PTX3: variants seen among roughly 807,000 people sequenced by gnomAD.
PTX3 encodes pentraxin-related protein PTX3.
A neutral mutation model predicts 23.5 loss-of-function variants in PTX3; 24 were observed. The observed-to-expected ratio is 1.02, with a 90% CI of 0.74 to 1.43. The LOEUF is 1.43. PTX3 is among the 40% of genes most tolerant of loss of function. PTX3 has a pLI of 0.00. For synonymous variants in PTX3, 218 were observed against 205.4 expected (o/e 1.06, Z -0.53); for missense variants, 510 against 497.5 (o/e 1.02, Z -0.24).
intron 2 of PTX3, among the ~76,000 whole-genome samples, chr3:157,441,018 T>G (rs1308417107): frequency 6.6e-6 from 1 of 152,248 alleles, no homozygotes; most frequent in Non-Finnish European, 1.5e-5. Flanking sequence ...GCTACATACT[T>G]GCTGCTTACA....
rs73158509 is a variant in PTX3, at chr3:157,443,409, A to T, written c.*430A>T. ...TGGTATGTACCTTATTACAAAAAAA[A>T]GATGAAAACATATTTATACTACAAG... On this transcript the variant is annotated 3_prime_UTR_variant, in exon 3 of 3. Transcript: ENST00000295927. 1.4e-3 allele frequency: 226 copies of T among 157,514 alleles called. 1 individual carries two copies. The highest frequency in any genetic ancestry group is 5.1e-3 in the African/African-American group (213 of 41,582). The allele number at this position is 157,514 out of a possible 1,614,324, so 9.8% of individuals were successfully genotyped here.
rs1211168676 is a variant in PTX3, at chr3:157,438,033, GCGCGCACA to G, written c.532+121_532+128del. 5,144 of 793,716 alleles carry G rather than the reference GCGCGCACA, an allele frequency of 6.5e-3. 220 individuals carry two copies. In the African/African-American group the frequency reaches 0.094, roughly 15 times the overall value. The allele number at this position is 793,716 out of a possible 1,614,324, so 49.2% of individuals were successfully genotyped here. ...GCTTTCATGGGAAGCGCGCGCGCGC[GCGCGCACA>G]CACACACACACACACACACACACAC... On this transcript the variant is annotated intron_variant, in intron 2 of 2. Coordinates refer to ENST00000295927, the MANE Select transcript of PTX3 (RefSeq NM_002852.4).
At chr3:157,440,808 T>C (rs1217922379) in intron 2 of PTX3, among the ~76,000 whole-genome samples, 4 of 152,092 alleles carry the variant, frequency 2.6e-5, no homozygotes, top group Admixed American at 6.6e-5. Flanking sequence ...TGGACAATGG[T>C]GGAAACTTAC....
Position 157,438,020 on chromosome 3 carries a change from AGCGC to A in PTX3, c.532+121_532+124del, listed in dbSNP as rs113324549. The A allele has an allele frequency of 5.2e-4, 438 of 836,224 alleles. 8 individuals are homozygous for A. The highest frequency in any genetic ancestry group is 4.2e-3 in the African/African-American group (205 of 48,796). 51.8% of individuals were successfully genotyped at this position (836,224 alleles called of 1,614,324 possible). The stretch of plus-strand genomic sequence containing the variant: ...CCTTCTAGGGGAAGCTTTCATGGGA[AGCGC>A]GCGCGCGCGCGCGCACACACACACA... On this transcript the variant is annotated intron_variant, in intron 2 of 2. Coordinates refer to ENST00000295927, the MANE Select transcript of PTX3 (RefSeq NM_002852.4).
At chr3:157,439,852 T>G (rs1733983827) in intron 2 of PTX3, among the ~76,000 whole-genome samples, 1 of 152,112 alleles carries the variant, frequency 6.6e-6, no homozygotes, top group Non-Finnish European at 1.5e-5. Context: ...CCGGGTTCAC[T>G]CCATTCTCCT....
chr3:157,437,751 G>T lies in PTX3; in HGVS notation c.369G>T (p.Ala123=), dbSNP rs1231300252. 4 of 1,491,034 alleles carry T rather than the reference G, an allele frequency of 2.7e-6. No individual in the cohort carries two copies. In the South Asian group the frequency reaches 3.8e-5, roughly 14 times the overall value. 92.4% of individuals were successfully genotyped at this position (1,491,034 alleles called of 1,614,324 possible). Residue 123 remains alanine, a synonymous_variant, in exon 2 of 3, where the codon GCG becomes GCT. Transcript: ENST00000295927. ...LTSALDELLQ[A]TRDAGRRLAR... is the part of the protein sequence containing the mutation. ...GTGCTCTGGACGAGCTGCTGCAGGC[G>T]ACCCGCGACGCGGGCCGCAGGCTGG... is the stretch of plus-strand genomic sequence containing the variant.
rs919038712 is a variant in PTX3, at chr3:157,442,639, A to G, written c.806A>G (p.His269Arg). 2 of 1,614,208 alleles carry G rather than the reference A, an allele frequency of 1.2e-6. No individual in the cohort carries two copies. ...EAMVSLGRWTHLCGTWNSEEG... is the reference protein window; with the variant it reads ...EAMVSLGRWTRLCGTWNSEEG... ...ATGGTTTCCCTGGGAAGGTGGACCC[A>G]CCTGTGCGGCACCTGGAATTCAGAG... Residue 269 changes from histidine (H) to arginine (R), a missense_variant, in exon 3 of 3, where the codon CAC (histidine) becomes CGC (arginine). His to Arg is a conservative substitution (Grantham distance 29). Coordinates refer to ENST00000295927, the MANE Select transcript of PTX3 (RefSeq NM_002852.4).
Position 157,437,874 on chromosome 3 carries a change from C to T in PTX3, c.492C>T (p.His164=), listed in dbSNP as rs984473486. ...EELRQTRADL[H]AVQGWAARSW... ...TGCGGCAGACGCGAGCCGACCTGCACGCGGTGCAGGGCTGGGCTGCCCGGA... is the reference window on the plus strand; with the variant it reads ...TGCGGCAGACGCGAGCCGACCTGCATGCGGTGCAGGGCTGGGCTGCCCGGA... Residue 164 remains histidine, a synonymous_variant, in exon 2 of 3, where the codon CAC becomes CAT. Transcript: ENST00000295927. The T allele has an allele frequency of 1.3e-6, 2 of 1,504,548 alleles. No homozygotes were observed. Among genetic ancestry groups the T allele is most frequent in the Middle Eastern group, 2.3e-4 (1 of 4,286 alleles). 93.2% of individuals were successfully genotyped at this position (1,504,548 alleles called of 1,614,324 possible). A position where few individuals can be genotyped will look rare whatever the true frequency, so the allele number is the denominator to read the frequency against.
chr3:157,442,419 G>A lies in PTX3; in HGVS notation c.586G>A (p.Val196Met), dbSNP rs776081317. The A allele has an allele frequency of 3.0e-5, 49 of 1,613,830 alleles. No individual in the cohort carries two copies. The highest frequency in any genetic ancestry group is 9.3e-5 in the African/African-American group (7 of 74,898). ...PMRSKKIFGS[V>M]HPVRPMRLES... ...GCGTTCCAAGAAGATTTTTGGAAGC[G>A]TGCATCCAGTGAGACCAATGAGGCT... is the stretch of plus-strand genomic sequence containing the variant. The change falls in exon 3 of 3, where the codon GTG becomes ATG. Residue 196 changes from valine (V) to methionine (M), a missense_variant. Val to Met is a conservative substitution (Grantham distance 21). Coordinates refer to ENST00000295927, the MANE Select transcript of PTX3 (RefSeq NM_002852.4).
Position 157,437,780 on chromosome 3 carries a change from G to T in PTX3, c.398G>T (p.Arg133Leu), listed in dbSNP as rs1733742994. 6.8e-7 allele frequency: 1 copy of T among 1,475,572 alleles called. No homozygotes were observed. The highest frequency in any genetic ancestry group is 8.9e-7 in the Non-Finnish European group (1 of 1,124,928). The allele number at this position is 1,475,572 out of a possible 1,614,324, so 91.4% of individuals were successfully genotyped here. A position where few individuals can be genotyped will look rare whatever the true frequency, so the allele number is the denominator to read the frequency against. The change falls in exon 2 of 3, where the codon CGT (arginine) becomes CTT (leucine). Residue 133 changes from arginine to leucine, a missense_variant. Physicochemically the swap from Arg to Leu is moderately radical, Grantham distance 102. Coordinates refer to ENST00000295927, the MANE Select transcript of PTX3 (RefSeq NM_002852.4). ...ATRDAGRRLA[R>L]MEGAEAQRPE... ...CGCGACGCGGGCCGCAGGCTGGCGCGTATGGAGGGCGCGGAGGCGCAGCGC... is the reference window on the plus strand; with the variant it reads ...CGCGACGCGGGCCGCAGGCTGGCGCTTATGGAGGGCGCGGAGGCGCAGCGC...
rs760614960 is a variant in PTX3, at chr3:157,437,063, C to G, written c.130C>G (p.Pro44Ala). 3.7e-6 allele frequency: 6 copies of G among 1,613,544 alleles called. No homozygotes were observed. In the South Asian group the frequency reaches 6.6e-5, roughly 18 times the overall value. The change falls in exon 1 of 3, where the codon CCC becomes GCC. Residue 44 changes from proline to alanine, a missense_variant and splice_region_variant. Physicochemically the swap from Pro to Ala is conservative, Grantham distance 27. Transcript: ENST00000295927. Reference protein sequence around the residue: ...IDNGLHPTEDPTPCACGQEHS... With the variant: ...IDNGLHPTEDATPCACGQEHS... Reference sequence around the variant, plus strand: ...CAATGGACTCCATCCCACTGAGGACCGTAAGTTCACTTTAACTGTTTCTCT... The same window carrying G: ...CAATGGACTCCATCCCACTGAGGACGGTAAGTTCACTTTAACTGTTTCTCT...
At position 157,437,906 on chromosome 3, in the gene PTX3, T is replaced by A. The variant is rs765317629; in HGVS notation, c.524T>A (p.Leu175Gln). The A allele has an allele frequency of 2.0e-6, 3 of 1,524,188 alleles. No individual in the cohort carries two copies. Among genetic ancestry groups the A allele is most frequent in the African/African-American group, 1.4e-5 (1 of 71,326 alleles). 94.4% of individuals were successfully genotyped at this position (1,524,188 alleles called of 1,614,324 possible). Residue 175 changes from leucine to glutamine, a missense_variant, in exon 2 of 3, where the codon CTG (leucine) becomes CAG (glutamine). Physicochemically the swap from Leu to Gln is moderately radical, Grantham distance 113. Transcript: ENST00000295927. The part of the protein sequence containing the change: ...AVQGWAARSW[L>Q]PAGCETAILF... ...CAGGGCTGGGCTGCCCGGAGCTGGC[T>A]GCCGGCAGGTAAGGAGGCAAGCGGG... is the stretch of plus-strand genomic sequence containing the variant.
At chr3:157,440,946 TTA>T (rs1348931963) in intron 2 of PTX3, among the ~76,000 whole-genome samples, 1 of 152,190 alleles carries the variant, frequency 6.6e-6, no homozygotes, top group Non-Finnish European at 1.5e-5. Context: ...TAAATAGTAA[TTA>T]TAAGCATGTG....
chr3:157,437,540 A>T lies in PTX3; in HGVS notation c.158A>T (p.His53Leu). ...ACGCCGTGCGCCTGCGGTCAGGAGC[A>T]CTCGGAATGGGACAAGCTCTTCATC... ...DPTPCACGQEHSEWDKLFIML... is the reference protein window; with the variant it reads ...DPTPCACGQELSEWDKLFIML... The change falls in exon 2 of 3, where the codon CAC becomes CTC. Residue 53 changes from histidine to leucine, a missense_variant. Transcript: ENST00000295927. 6.2e-7 allele frequency: 1 copy of T among 1,606,218 alleles called. No homozygotes were observed.
intron 2 of PTX3, among the ~76,000 whole-genome samples, 177 bp downstream of exon 2, chr3:157,438,091 G>T (rs1341836810): frequency 2.0e-5 from 3 of 151,234 alleles, no homozygotes; most frequent in African/African-American, 7.3e-5. Flanking sequence ...CTGCATGCGC[G>T]GTCACAGAGC....
chr3:157,442,695 G>A lies in PTX3; in HGVS notation c.862G>A (p.Glu288Lys). Residue 288 changes from glutamate (E) to lysine (K), a missense_variant, in exon 3 of 3, where the codon GAA becomes AAA. Glu to Lys is a moderately conservative substitution (Grantham distance 56, BLOSUM62 1). Coordinates refer to ENST00000295927, the MANE Select transcript of PTX3 (RefSeq NM_002852.4). ...EGLTSLWVNG[E>K]LAATTVEMAT... ...GCTCACATCCTTGTGGGTAAATGGT[G>A]AACTGGCGGCTACCACTGTTGAGAT... The A allele has an allele frequency of 6.2e-7, 1 of 1,614,232 alleles. No homozygotes were observed. Among genetic ancestry groups the A allele is most frequent in the Non-Finnish European group, 8.5e-7 (1 of 1,180,040 alleles).
chr3:157,442,841 C>T lies in PTX3; in HGVS notation c.1008C>T (p.Phe336=), dbSNP rs1734243019. The change falls in exon 3 of 3, where the codon TTC becomes TTT. Residue 336 remains phenylalanine (F), a synonymous_variant. Coordinates refer to ENST00000295927, the MANE Select transcript of PTX3 (RefSeq NM_002852.4). ...TLAFSGRLTG[F]NIWDSVLSNE... ...CCTTCTCTGGGAGACTCACAGGCTTCAATATCTGGGATAGTGTTCTTAGCA... is the reference window on the plus strand; with the variant it reads ...CCTTCTCTGGGAGACTCACAGGCTTTAATATCTGGGATAGTGTTCTTAGCA... The T allele has an allele frequency of 1.2e-6, 2 of 1,614,022 alleles. No homozygotes were observed. Among genetic ancestry groups the T allele is most frequent in the Admixed American group, 1.7e-5 (1 of 59,986 alleles).
rs1266648041 is a variant in PTX3 at position 157,443,033 on chromosome 3, T to G, written c.*54T>G. ...GAAAGAAACTCACACTTAAAACACA[T>G]GCCAGTTGGGAAGGTCTGAAAACTC... On this transcript the variant is annotated 3_prime_UTR_variant, in exon 3 of 3. Coordinates refer to ENST00000295927, the MANE Select transcript of PTX3 (RefSeq NM_002852.4). 6.5e-7 allele frequency: 1 copy of G among 1,538,762 alleles called. No homozygotes were observed. The highest frequency in any genetic ancestry group is 8.7e-7 in the Non-Finnish European group (1 of 1,146,818).
chr3:157,441,649 A>C (rs1328057898), intron 2 of PTX3, among the ~76,000 whole-genome samples: 2 of 152,106 alleles, frequency 1.3e-5, no homozygotes, highest in East Asian at 3.9e-4. Flanking sequence ...GTCTAAAAAA[A>C]AAATACAATA....
Sources: allele counts gnomAD v4.1 joint callset (sites outside exome capture counted in the v4.1 genomes callset), GRCh38; gene constraint gnomAD v4.1.1; transcripts MANE v1.5; gene names NCBI Gene and HGNC (gene_info 2026-07-23, HGNC 2026-07-21).